MMP16: variants seen among roughly 807,000 people sequenced by gnomAD.
The protein encoded by MMP16 is matrix metalloproteinase-16.
MMP16 carries 12 observed loss-of-function variants against 67.8 expected under a neutral mutation model. The observed-to-expected ratio is 0.18, with a 90% CI of 0.11 to 0.29. The LOEUF is 0.29. Among genes scored for constraint, MMP16 ranks in the 10% least tolerant of loss-of-function variants. The pLI is 1.00. For synonymous variants in MMP16, 249 were observed against 255.9 expected (o/e 0.97, Z 0.26); for missense variants, 475 against 765.7 (o/e 0.62, Z 4.48).
intron 6 of MMP16, among the ~76,000 whole-genome samples, chr8:88,094,864 C>T (rs7834095): frequency 0.014 from 2,131 of 151,860 alleles, 40 homozygotes; most frequent in African/African-American, 0.049. Context: ...TGTCTATATG[C>T]CAACATGAAA....
intron 3 of MMP16, among the ~76,000 whole-genome samples, chr8:88,173,009 C>A (rs1442177352): frequency 6.6e-6 from 1 of 152,088 alleles, no homozygotes; most frequent in Non-Finnish European, 1.5e-5. Context: ...CATCTAATAA[C>A]AATTTTACAT....
chr8:88,231,204 T>G (rs1809854307), intron 1 of MMP16, among the ~76,000 whole-genome samples: 1 of 152,084 alleles, frequency 6.6e-6, no homozygotes, highest in African/African-American at 2.4e-5. Flanking sequence ...ATGGAATCAA[T>G]AAAGACCAGA....
chr8:88,228,268 A>C (rs1014984196), intron 1 of MMP16, among the ~76,000 whole-genome samples: 1 of 152,116 alleles, frequency 6.6e-6, no homozygotes, highest in Admixed American at 6.6e-5. Flanking sequence ...CTAGGAGATT[A>C]TTATAAGAAA....
chr8:88,180,958 G>A (rs578145175), intron 3 of MMP16, among the ~76,000 whole-genome samples: 2 of 152,158 alleles, frequency 1.3e-5, no homozygotes, highest in East Asian at 1.9e-4. Context: ...TATCAGCAGA[G>A]GCAGAAAAAG....
rs1010784866 is a variant in MMP16 at position 88,184,468 on chromosome 8, C to G, written c.404+2008G>C. Among the ~76,000 whole-genome samples the G allele has an allele frequency of 1.4e-5, 2 of 143,928 alleles. 1 individual carries two copies. The highest frequency in any genetic ancestry group is 4.4e-4 in the South Asian group (2 of 4,558). 94.4% of individuals were successfully genotyped at this position (143,928 alleles called of 152,430 possible). A position where few individuals can be genotyped will look rare whatever the true frequency, so the allele number is the denominator to read the frequency against. The stretch of plus-strand genomic sequence containing the variant: ...CATGAGCTGGGTGTGGTGGCTCACT[C>G]CTGTAATCTCTGTGCTTTGGAAAGC... On this transcript the variant is annotated intron_variant, in intron 3 of 9. Coordinates refer to ENST00000286614, the MANE Select transcript of MMP16 (RefSeq NM_005941.5).
chr8:88,113,812 A>G (rs1383055070), intron 6 of MMP16, among the ~76,000 whole-genome samples: 1 of 151,988 alleles, frequency 6.6e-6, no homozygotes, highest in Non-Finnish European at 1.5e-5. Context: ...AAGAAACCCA[A>G]GTGTAGCCTA....
At chr8:88,184,642 C>T (rs1389709899) in intron 3 of MMP16, among the ~76,000 whole-genome samples, 6 of 126,280 alleles carry the variant, frequency 4.8e-5, no homozygotes, top group South Asian at 5.3e-4. Context: ...AGCTACTCAA[C>T]GGGCTAAGGC....
chr8:88,090,477 T>G (rs1808914759), intron 6 of MMP16, among the ~76,000 whole-genome samples: 1 of 151,906 alleles, frequency 6.6e-6, no homozygotes, highest in African/African-American at 2.4e-5. Context: ...CAAGTATTTT[T>G]GTGTTGAGCT....
At chr8:88,321,088 A>G (rs1462065529) in intron 1 of MMP16, among the ~76,000 whole-genome samples, 1 of 152,192 alleles carries the variant, frequency 6.6e-6, no homozygotes, top group Non-Finnish European at 1.5e-5. Context: ...TCCTTTTAGT[A>G]TGGAATTTTT....
intron 1 of MMP16, among the ~76,000 whole-genome samples, chr8:88,310,750 G>A (rs988193444): frequency 1.3e-5 from 2 of 152,120 alleles, no homozygotes; most frequent in African/African-American, 4.8e-5. Context: ...TTGTTCTAAT[G>A]TACTGAATTC....
chr8:88,119,980 CA>C (rs1247483094), intron 4 of MMP16, among the ~76,000 whole-genome samples: 1 of 151,864 alleles, frequency 6.6e-6, no homozygotes, highest in African/African-American at 2.4e-5. Flanking sequence ...ACCCAAAAGC[CA>C]GGCGAAAAAC....
rs866291609 is a variant in MMP16 at position 88,167,530 on chromosome 8, T to C, written c.709+139A>G. 27 of 761,442 alleles carry C rather than the reference T, an allele frequency of 3.5e-5. No homozygotes were observed. In the Middle Eastern group the frequency reaches 1.1e-3, roughly 32 times the overall value. The allele number at this position is 761,442 out of a possible 1,614,324, so 47.2% of individuals were successfully genotyped here. ...CACAAATTCTTATCCTAAAATGCTA[T>C]AAAATATGCTTACATATTGCTTTGG... On this transcript the variant is annotated intron_variant, in intron 4 of 9. Coordinates refer to ENST00000286614, the MANE Select transcript of MMP16 (RefSeq NM_005941.5).
chr8:88,320,254 T>C (rs1461683535), intron 1 of MMP16, among the ~76,000 whole-genome samples: 1 of 152,184 alleles, frequency 6.6e-6, no homozygotes, highest in African/African-American at 2.4e-5. Flanking sequence ...ATGGTAAACA[T>C]TAGAAATTAA....
At position 88,167,806 on chromosome 8, in the gene MMP16, C is replaced by G. The variant is rs1808737431; in HGVS notation, c.572G>C (p.Gly191Ala). The G allele has an allele frequency of 6.2e-7, 1 of 1,613,950 alleles. No individual in the cohort carries two copies. The highest frequency in any genetic ancestry group is 1.7e-5 in the Admixed American group (1 of 59,960). The change falls in exon 4 of 10, where the codon GGT becomes GCT. Residue 191 changes from glycine (G) to alanine (A), a missense_variant. Around this residue, in one of 5 missense-constraint regions of MMP16, gnomAD observed 7 missense variants for 52.7 expected, o/e 0.13. Coordinates refer to ENST00000286614, the MANE Select transcript of MMP16 (RefSeq NM_005941.5). ...AAAGGGAGAGCTGTCCCCATGGAAA[C>G]CAGATGCAAAAATAATGGTTATATC... ...DVDITIIFAS[G>A]FHGDSSPFDG... is the part of the protein sequence containing the mutation.
At chr8:88,266,894 T>C (rs1298205089) in intron 1 of MMP16, among the ~76,000 whole-genome samples, 1 of 152,178 alleles carries the variant, frequency 6.6e-6, no homozygotes, top group Non-Finnish European at 1.5e-5. Context: ...TGACAACCTT[T>C]GCTTTATACA....
At chr8:88,153,787 AT>A (rs1808454793) in intron 4 of MMP16, among the ~76,000 whole-genome samples, 1 of 151,166 alleles carries the variant, frequency 6.6e-6, no homozygotes, top group Admixed American at 6.6e-5. Flanking sequence ...AGGCATTACC[AT>A]TCAGGACATA....
intron 1 of MMP16, among the ~76,000 whole-genome samples, chr8:88,238,248 C>G (rs1809976262): frequency 6.6e-6 from 1 of 152,164 alleles, no homozygotes; most frequent in Middle Eastern, 3.2e-3. Context: ...CATAGTGTCT[C>G]ACGCCTGTAA....
chr8:88,071,195 A>T (rs765060018), intron 7 of MMP16, among the ~76,000 whole-genome samples: 1 of 152,168 alleles, frequency 6.6e-6, no homozygotes, highest in Non-Finnish European at 1.5e-5. Context: ...CTTAAGATTT[A>T]TAAAAGTTTG....
At chr8:88,129,330 G>A (rs1322299856) in intron 4 of MMP16, among the ~76,000 whole-genome samples, 1 of 151,588 alleles carries the variant, frequency 6.6e-6, no homozygotes, top group Non-Finnish European at 1.5e-5. Context: ...TGATGGCCTA[G>A]GTATAAACAA....
Sources: allele counts gnomAD v4.1 joint callset (sites outside exome capture counted in the v4.1 genomes callset), GRCh38; gene constraint gnomAD v4.1.1; regional missense constraint gnomAD v4.1.1; transcripts MANE v1.5; gene names NCBI Gene and HGNC (gene_info 2026-07-23, HGNC 2026-07-21).